STEAP1B: variants seen among roughly 807,000 people sequenced by gnomAD.
STEAP1B encodes STEAP family member 1B.
A neutral mutation model predicts 27.9 loss-of-function variants in STEAP1B; 13 were observed. That is an observed-to-expected ratio of 0.47 (90% CI 0.30 to 0.74). The LOEUF (loss-of-function observed/expected upper bound fraction) is 0.74. Among genes scored for constraint, STEAP1B ranks in the 30% least tolerant of loss-of-function variants. The pLI is 0.06. For missense variants in STEAP1B, 250 were observed against 298.7 expected (o/e 0.84, Z 1.20); for synonymous variants, 86 against 107.1 (o/e 0.80, Z 1.22).
chr7:22,456,972 A>ATATATATATTTTTT lies in STEAP1B; in HGVS notation c.762+35592_762+35593insAAAAAATATATATA. Among the ~76,000 whole-genome samples, 155 of 57,040 alleles carry ATATATATATTTTTT rather than the reference A, an allele frequency of 2.7e-3. 5 individuals are homozygous for ATATATATATTTTTT. Among genetic ancestry groups the ATATATATATTTTTT allele is most frequent in the African/African-American group, 0.011 (151 of 14,242 alleles). The allele number at this position is 57,040 out of a possible 152,430, so 37.4% of individuals were successfully genotyped here. A position where few individuals can be genotyped will look rare whatever the true frequency, so the allele number is the denominator to read the frequency against. ...GGCAGCTATATATATATATATATAT[A>ATATATATATTTTTT]TTTTTTTTTTTTTTAAGTATCCTGG... On this transcript the variant is annotated intron_variant, in intron 4 of 4. Transcript: ENST00000678116.
At chr7:22,440,494 A>T (rs919686973) in intron 4 of STEAP1B, among the ~76,000 whole-genome samples, 1 of 152,172 alleles carries the variant, frequency 6.6e-6, no homozygotes, top group African/African-American at 2.4e-5. Context: ...AAAGTTATTC[A>T]GGCTGAAATA....
intron 4 of STEAP1B, among the ~76,000 whole-genome samples, chr7:22,444,184 C>T (rs760979412): frequency 6.6e-6 from 1 of 152,220 alleles, no homozygotes; most frequent in African/African-American, 2.4e-5. Flanking sequence ...AGACCTTTAA[C>T]GTCTCTAGGC....
intron 4 of STEAP1B, among the ~76,000 whole-genome samples, chr7:22,434,124 A>G (rs79261875): frequency 0.03 from 4,632 of 152,332 alleles, 155 homozygotes; most frequent in East Asian, 0.11. Flanking sequence ...AATTGCATCA[A>G]AGGGATTCAA....
intron 4 of STEAP1B, among the ~76,000 whole-genome samples, chr7:22,455,252 C>G (rs1291409300): frequency 6.6e-6 from 1 of 152,152 alleles, no homozygotes; most frequent in Non-Finnish European, 1.5e-5. Context: ...CAGGTATGCA[C>G]ACAGAAGAGG....
At chr7:22,453,982 T>C (rs772612925) in intron 4 of STEAP1B, among the ~76,000 whole-genome samples, 1 of 152,260 alleles carries the variant, frequency 6.6e-6, no homozygotes, top group Admixed American at 6.5e-5. Context: ...GGGGCTATTA[T>C]GAATAAAGAT....
chr7:22,494,694 C>G, intron 2 of STEAP1B, 78 bp downstream of exon 2: 1 of 1,060,204 alleles, frequency 9.4e-7, no homozygotes, highest in Non-Finnish European at 1.3e-6. Flanking sequence ...TTTCATAACA[C>G]TAGGAGATAC....
intron 4 of STEAP1B, among the ~76,000 whole-genome samples, chr7:22,474,048 G>C (rs557198380): frequency 6.6e-6 from 1 of 152,324 alleles, no homozygotes; most frequent in South Asian, 2.1e-4. Context: ...ACAGTTATGG[G>C]ATGCTAAAAT....
At chr7:22,496,089 T>C (rs951444715) in intron 1 of STEAP1B, among the ~76,000 whole-genome samples, 2 of 152,060 alleles carry the variant, frequency 1.3e-5, no homozygotes, top group East Asian at 3.9e-4. Flanking sequence ...GGACAAGATA[T>C]AGAGGTGGAA....
chr7:22,449,612 A>C (rs1785455959), intron 4 of STEAP1B, among the ~76,000 whole-genome samples: 1 of 152,222 alleles, frequency 6.6e-6, no homozygotes, highest in South Asian at 2.1e-4. Context: ...ATGACAGTGC[A>C]GATATCTCTC....
intron 4 of STEAP1B, among the ~76,000 whole-genome samples, chr7:22,437,327 T>G (rs1785268176): frequency 6.6e-6 from 1 of 152,226 alleles, no homozygotes; most frequent in African/African-American, 2.4e-5. Flanking sequence ...CTATTTTAGA[T>G]TCCTCAAACA....
rs572813612 is a variant in STEAP1B at position 22,428,107 on chromosome 7, G to A, written c.763-8271C>T. 9.9e-5 allele frequency among the ~76,000 whole-genome samples: 15 copies of A among 152,238 alleles called. No individual in the cohort carries two copies. The East Asian group carries it at 2.7e-3, about 27-fold the overall frequency. The stretch of plus-strand genomic sequence containing the variant: ...CTCATGCACTGGCCAGACATAGGAT[G>A]GAATCTGCCCTGAGAAGTGAGCCTG... On this transcript the variant is annotated intron_variant, in intron 4 of 4. Coordinates refer to ENST00000678116, the MANE Select transcript of STEAP1B (RefSeq NM_001382447.1).
chr7:22,492,816 T>C, intron 3 of STEAP1B, 87 bp from the exon 4 acceptor site: 25 of 1,484,616 alleles, frequency 1.7e-5, no homozygotes, highest in Non-Finnish European at 2.0e-5. Context: ...TCCCTGTGTG[T>C]ACTATGAAGC....
chr7:22,467,705 T>C (rs769568066), intron 4 of STEAP1B, among the ~76,000 whole-genome samples: 11 of 152,188 alleles, frequency 7.2e-5, no homozygotes, highest in Admixed American at 1.3e-4. Flanking sequence ...ACGTGCCTTT[T>C]ACCTTCCGCC....
In STEAP1B at chr7:22,449,656, T is replaced by C. The variant is rs182117952; in HGVS notation, c.763-29820A>G. Among the ~76,000 whole-genome samples, 731 of 152,332 alleles carry C rather than the reference T, an allele frequency of 4.8e-3. 2 individuals are homozygous for C. Among genetic ancestry groups the C allele is most frequent in the Middle Eastern group, 0.01 (3 of 294 alleles). ...AGTAATTTCCTTTCTTTTGGGTATA[T>C]ACCCAGCAGTGGGATTGCTGGATCC... On this transcript the variant is annotated intron_variant, in intron 4 of 4. Coordinates refer to ENST00000678116, the MANE Select transcript of STEAP1B (RefSeq NM_001382447.1).
chr7:22,432,890 G>A (rs908082724), intron 4 of STEAP1B, among the ~76,000 whole-genome samples: 2 of 152,120 alleles, frequency 1.3e-5, no homozygotes, highest in African/African-American at 2.4e-5. Flanking sequence ...TAGCAGCCTC[G>A]TCTCTTGTTA....
At chr7:22,477,850 C>T (rs1034221910) in intron 4 of STEAP1B, among the ~76,000 whole-genome samples, 12 of 152,160 alleles carry the variant, frequency 7.9e-5, no homozygotes, top group Non-Finnish European at 1.3e-4. Flanking sequence ...TTTATCTTAG[C>T]ACATTTCCTA....
chr7:22,452,459 C>A (rs544211254), intron 4 of STEAP1B, among the ~76,000 whole-genome samples: 1 of 152,068 alleles, frequency 6.6e-6, no homozygotes, highest in African/African-American at 2.4e-5. Context: ...CCAAACCCGC[C>A]GGTCAAAGAA....
chr7:22,463,895 G>A (rs1785724638), intron 4 of STEAP1B, among the ~76,000 whole-genome samples: 1 of 151,258 alleles, frequency 6.6e-6, no homozygotes, highest in South Asian at 2.1e-4. Flanking sequence ...CATAGGCATG[G>A]GCAAGGACTT....
intron 4 of STEAP1B, among the ~76,000 whole-genome samples, chr7:22,482,253 T>C (rs1414808970): frequency 6.6e-6 from 1 of 152,170 alleles, no homozygotes; most frequent in African/African-American, 2.4e-5. Flanking sequence ...GTTCCAATGA[T>C]TTACTGGGGG....
Sources: allele counts gnomAD v4.1 joint callset (sites outside exome capture counted in the v4.1 genomes callset), GRCh38; gene constraint gnomAD v4.1.1; transcripts MANE v1.5; gene names NCBI Gene and HGNC (gene_info 2026-07-23, HGNC 2026-07-21).